Variants in TBC1D24 observed in about 807,000 individuals in gnomAD.
TBC1D24 encodes Infantile myoclonic epilepsy.
Under a neutral mutation model 50.7 loss-of-function variants are expected in TBC1D24, and 47 were observed. The observed-to-expected ratio is 0.93, with a 90% CI of 0.73 to 1.18. The LOEUF is 1.18. TBC1D24 is among the 50% of genes most tolerant of loss of function. TBC1D24 has a pLI of 0.00. For synonymous variants in TBC1D24, 324 were observed against 335.2 expected (o/e 0.97, Z 0.36); for missense variants, 688 against 766.5 (o/e 0.90, Z 1.21).
rs147755521 is a variant in TBC1D24, at chr16:2,498,689, C to T, written c.1142+293C>T. ...TGTCTTGGTTGGGGGACCATGTGGGCGGCAGGTCCTGGCTGTGCTCGCTCC... is the reference window on the plus strand; with the variant it reads ...TGTCTTGGTTGGGGGACCATGTGGGTGGCAGGTCCTGGCTGTGCTCGCTCC... On this transcript the variant is annotated intron_variant, in intron 4 of 7. Coordinates refer to ENST00000646147, the MANE Select transcript of TBC1D24 (RefSeq NM_001199107.2). Among the ~76,000 whole-genome samples the T allele has an allele frequency of 7.2e-5, 11 of 152,224 alleles. No individual in the cohort carries two copies. The East Asian group carries it at 2.1e-3, about 30-fold the overall frequency.
In TBC1D24 at chr16:2,500,323, C is replaced by T. The variant is rs1429435902; in HGVS notation, c.1358C>T (p.Thr453Ile). The T allele has an allele frequency of 6.2e-7, 1 of 1,611,200 alleles. No homozygotes were observed. The highest frequency in any genetic ancestry group is 8.5e-7 in the Non-Finnish European group (1 of 1,179,334). ...EWVVIKHPELTKPPPLMAAEP... is the reference protein window; with the variant it reads ...EWVVIKHPELIKPPPLMAAEP... ...GTGGTGATCAAGCACCCCGAGCTGA[C>T]CAAGCCCCCACCCTTGATGGCTGCC... Residue 453 changes from threonine to isoleucine, a missense_variant, in exon 7 of 8, where the codon ACC becomes ATC. Thr to Ile is a moderately conservative substitution (Grantham distance 89, BLOSUM62 -1). Transcript: ENST00000646147. This position sits in a 1 kb window ranked among gnomAD's most constrained non-coding sequence, Gnocchi z 8.0.
intron 1 of TBC1D24, among the ~76,000 whole-genome samples, chr16:2,492,105 G>T (rs987131661): frequency 5.9e-5 from 9 of 152,150 alleles, no homozygotes. Flanking sequence ...CTCCCAAAGT[G>T]CTGGGATTAC....
rs772380555 is a variant in TBC1D24 at position 2,500,821 on chromosome 16, G to A, written c.1543G>A (p.Ala515Thr). 1.9e-6 allele frequency: 3 copies of A among 1,606,452 alleles called. No individual in the cohort carries two copies. The highest frequency in any genetic ancestry group is 2.5e-6 in the Non-Finnish European group (3 of 1,179,792). The change falls in exon 8 of 8, where the codon GCG becomes ACG. Residue 515 changes from alanine (A) to threonine (T), a missense_variant. Ala to Thr is a moderately conservative substitution (Grantham distance 58, BLOSUM62 0). Transcript: ENST00000646147. This position sits in a 1 kb window ranked among gnomAD's most constrained non-coding sequence, Gnocchi z 8.0. ...TCCTGCAGGGGGAGGAGGCGGCCAGGCGCTCTACATCGATGGGGACCTGAA... is the reference window on the plus strand; with the variant it reads ...TCCTGCAGGGGGAGGAGGCGGCCAGACGCTCTACATCGATGGGGACCTGAA... ...CLIVGGGGGQ[A>T]LYIDGDLNRG...
In TBC1D24 at chr16:2,499,471, GCT is replaced by G. The variant is rs1363802616; in HGVS notation, c.1206+54_1206+55del. On this transcript the variant is annotated intron_variant, in intron 5 of 7. Coordinates refer to ENST00000646147, the MANE Select transcript of TBC1D24 (RefSeq NM_001199107.2). This position sits in a 1 kb window ranked among gnomAD's most constrained non-coding sequence, Gnocchi z 4.0. ...CTGGCTCTGATGGGCTCCAGGGCTG[GCT>G]CTGATGGGCTCCAGGGCTGGCTCTG... 6.6e-7 allele frequency: 1 copy of G among 1,523,072 alleles called. No homozygotes were observed. The highest frequency in any genetic ancestry group is 2.3e-5 in the East Asian group (1 of 43,936). The allele number at this position is 1,523,072 out of a possible 1,614,324, so 94.3% of individuals were successfully genotyped here.
rs747538224 is a variant in TBC1D24 at position 2,496,993 on chromosome 16, C to G, written c.845C>G (p.Pro282Arg). Residue 282 changes from proline (P) to arginine (R), a missense_variant, in exon 2 of 8, where the codon CCT becomes CGT. Physicochemically the swap from Pro to Arg is moderately radical, Grantham distance 103 (BLOSUM62 -2). Coordinates refer to ENST00000646147, the MANE Select transcript of TBC1D24 (RefSeq NM_001199107.2). ...AGAGACATCGCGAAGACGGTGTCCC[C>G]TGAGAAGCTGCTGGAGAAAGCGTTC... The part of the protein sequence containing the change: ...FVRDIAKTVS[P>R]EKLLEKAFAI... The G allele has an allele frequency of 3.3e-5, 53 of 1,613,882 alleles. No homozygotes were observed. In the Admixed American group the frequency reaches 8.7e-4, roughly 26 times the overall value.
At position 2,487,792 on chromosome 16, in the gene TBC1D24, A is replaced by G. The variant is rs1237673738; in HGVS notation, c.-115-8242A>G. Among the ~76,000 whole-genome samples the G allele has an allele frequency of 1.3e-5, 2 of 151,264 alleles. No homozygotes were observed. The highest frequency in any genetic ancestry group is 2.9e-5 in the Non-Finnish European group (2 of 67,932). ...GGCCTGTGTCTCCAGGACTCGTGGG[A>G]GGGCCCTGGTACTAGAAGTGGCCGA... is the stretch of plus-strand genomic sequence containing the variant. On this transcript the variant is annotated intron_variant, in intron 1 of 7. Transcript: ENST00000646147. The surrounding 1 kb of genome is among the most constrained non-coding windows in gnomAD (Gnocchi z 4.1).
intron 1 of TBC1D24, chr16:2,493,581 G>C (rs1374303244): frequency 6.6e-6 from 1 of 152,202 alleles, no homozygotes; most frequent in African/African-American, 2.4e-5. Context: ...AGCAGTATTT[G>C]CCTTATAATA....
At chr16:2,495,858 A>G (rs1171056961) in intron 1 of TBC1D24, among the ~76,000 whole-genome samples, 176 bp from the exon 2 acceptor site, 1 of 152,036 alleles carries the variant, frequency 6.6e-6, no homozygotes, top group Non-Finnish European at 1.5e-5. Flanking sequence ...AAGATGGTTC[A>G]AGCCATTCAA....
rs1427949368 is a variant in TBC1D24, at chr16:2,504,565, C to T, written c.*3607C>T. On this transcript the variant is annotated 3_prime_UTR_variant, in exon 8 of 8. Coordinates refer to ENST00000646147, the MANE Select transcript of TBC1D24 (RefSeq NM_001199107.2). ...TCCTGAGTAGCTGGGACTACAGGCA[C>T]CTGCTACCACACCCGGCTAATTTTT... 6.6e-6 allele frequency: 1 copy of T among 151,962 alleles called. No homozygotes were observed. The allele number at this position is 151,962 out of a possible 1,614,324, so 9.4% of individuals were successfully genotyped here.
rs2065734506 is a variant in TBC1D24, at chr16:2,496,120, C to T, written c.-29C>T. 2 of 1,613,032 alleles carry T rather than the reference C, an allele frequency of 1.2e-6. No individual in the cohort carries two copies. The highest frequency in any genetic ancestry group is 8.5e-7 in the Non-Finnish European group (1 of 1,179,858). On this transcript the variant is annotated 5_prime_UTR_variant, in exon 2 of 8. Transcript: ENST00000646147. ...ACTCTGTCCTCCCCTTCCGGCAGTC[C>T]AGGGCCTCCTCCCGAGCACAGCGGC... is the stretch of plus-strand genomic sequence containing the variant.
rs2141860060 is a variant in TBC1D24 at position 2,487,138 on chromosome 16, G to T, written c.-115-8896G>T. Among the ~76,000 whole-genome samples the T allele has an allele frequency of 6.6e-6, 1 of 152,324 alleles. No individual in the cohort carries two copies. The highest frequency in any genetic ancestry group is 1.9e-4 in the East Asian group (1 of 5,178). Reference sequence around the variant, plus strand: ...GCCCAGCTCGCCTTCGCCCACTCTTGCCTCCACATCTGAGGGGCACCGTCC... The same window carrying T: ...GCCCAGCTCGCCTTCGCCCACTCTTTCCTCCACATCTGAGGGGCACCGTCC... On this transcript the variant is annotated intron_variant, in intron 1 of 7. Coordinates refer to ENST00000646147, the MANE Select transcript of TBC1D24 (RefSeq NM_001199107.2). This position sits in a 1 kb window ranked among gnomAD's most constrained non-coding sequence, Gnocchi z 4.1.
chr16:2,491,842 C>T (rs572786867), intron 1 of TBC1D24, among the ~76,000 whole-genome samples: 111 of 147,020 alleles, frequency 7.5e-4, no homozygotes, highest in Middle Eastern at 4.0e-3. Context: ...CATGAGCCAC[C>T]GTGCTTGGCC....
At chr16:2,492,548 G>T (rs2065704047) in intron 1 of TBC1D24, among the ~76,000 whole-genome samples, 1 of 152,198 alleles carries the variant, frequency 6.6e-6, no homozygotes, top group Non-Finnish European at 1.5e-5. Flanking sequence ...AGTTCCTCCA[G>T]AGGCTAGTGG....
At chr16:2,494,234 A>G (rs1177973476) in intron 1 of TBC1D24, among the ~76,000 whole-genome samples, 1 of 152,068 alleles carries the variant, frequency 6.6e-6, no homozygotes, top group African/African-American at 2.4e-5. Flanking sequence ...CAACATGGTG[A>G]AACCCCATCT....
chr16:2,489,410 C>T (rs1331832304), intron 1 of TBC1D24, among the ~76,000 whole-genome samples: 3 of 151,814 alleles, frequency 2.0e-5, no homozygotes, highest in South Asian at 2.1e-4. Flanking sequence ...CCAGCTTGGG[C>T]GACAGAGCCA....
chr16:2,501,023 G>T lies in TBC1D24; in HGVS notation c.*65G>T. The T allele has an allele frequency of 6.3e-7, 1 of 1,586,004 alleles. No homozygotes were observed. The highest frequency in any genetic ancestry group is 1.7e-5 in the Admixed American group (1 of 58,210). On this transcript the variant is annotated 3_prime_UTR_variant, in exon 8 of 8. Transcript: ENST00000646147. ...GGCCGAGGCTGGGCTGCCGCCTCGG[G>T]CAGCAGAGAGCAGATGAAACCCCCA...
At chr16:2,488,888 G>T (rs2065673022) in intron 1 of TBC1D24, among the ~76,000 whole-genome samples, 1 of 135,782 alleles carries the variant, frequency 7.4e-6, no homozygotes. Context: ...GTGAAACCCC[G>T]TCTCTACTAA....
intron 1 of TBC1D24, among the ~76,000 whole-genome samples, chr16:2,492,732 A>G (rs989589815): frequency 6.6e-6 from 1 of 152,144 alleles, no homozygotes; most frequent in Non-Finnish European, 1.5e-5. Flanking sequence ...GAAGCAAACC[A>G]ATCAATGGTC....
intron 1 of TBC1D24, chr16:2,484,564 C>A (rs986189160): frequency 6.6e-6 from 1 of 152,368 alleles, no homozygotes; most frequent in Admixed American, 6.5e-5. Context: ...TGTCAGGTGA[C>A]CGATTTCTCT....
Sources: allele counts gnomAD v4.1 joint callset (sites outside exome capture counted in the v4.1 genomes callset), GRCh38; gene constraint gnomAD v4.1.1; non-coding constraint Gnocchi (gnomAD v3.1); transcripts MANE v1.5; gene names NCBI Gene and HGNC (gene_info 2026-07-23, HGNC 2026-07-21).